The following ARL15 variants were observed in gnomAD, a reference collection of about 807,000 sequenced individuals.
The protein encoded by ARL15 is ADP-ribosylation factor-like protein 15.
A neutral mutation model predicts 25.2 loss-of-function variants in ARL15; 19 were observed. The ratio of observed to expected loss-of-function variants is 0.75; its 90% CI spans 0.53 to 1.10. The LOEUF (loss-of-function observed/expected upper bound fraction) is 1.10. Ranked by LOEUF, ARL15 falls within the 50% of genes least tolerant of loss-of-function variation. The probability of loss-of-function intolerance (pLI) is 0.00; values close to 1 mark genes in which losing one functional copy is unlikely to be tolerated. For synonymous variants in ARL15, 94 were observed against 86.8 expected (o/e 1.08, Z -0.46); for missense variants, 220 against 246.0 (o/e 0.89, Z 0.71).
intron 4 of ARL15, among the ~76,000 whole-genome samples, chr5:53,996,835 C>A (rs1490157770): frequency 6.6e-6 from 1 of 152,148 alleles, no homozygotes; most frequent in Non-Finnish European, 1.5e-5. Flanking sequence ...GGTAGGCTAA[C>A]ACCTTACACC....
intron 4 of ARL15, among the ~76,000 whole-genome samples, chr5:53,990,971 T>A (rs888317663): frequency 6.6e-6 from 1 of 152,172 alleles, no homozygotes; most frequent in African/African-American, 2.4e-5. Context: ...TTTTTTCTCT[T>A]TGAATGTTTG....
intron 1 of ARL15, among the ~76,000 whole-genome samples, chr5:54,273,698 C>T (rs565291236): frequency 2.0e-5 from 3 of 152,216 alleles, no homozygotes; most frequent in Admixed American, 6.5e-5. Flanking sequence ...ATTACAGTAC[C>T]TTCTTCAAAA....
At chr5:54,202,614 A>T (rs1755754740) in intron 1 of ARL15, among the ~76,000 whole-genome samples, 1 of 152,190 alleles carries the variant, frequency 6.6e-6, no homozygotes, top group Admixed American at 6.6e-5. Context: ...AGAACTGCAA[A>T]GTAATAAAAT....
intron 4 of ARL15, among the ~76,000 whole-genome samples, chr5:54,023,638 C>G (rs1358125423): frequency 6.6e-6 from 1 of 152,110 alleles, no homozygotes; most frequent in Non-Finnish European, 1.5e-5. Flanking sequence ...GAAGAAGAAG[C>G]CTTAGGCCTC....
chr5:54,270,635 C>T (rs1757761790), intron 1 of ARL15, among the ~76,000 whole-genome samples: 1 of 152,214 alleles, frequency 6.6e-6, no homozygotes, highest in Admixed American at 6.5e-5. Flanking sequence ...AAATCCCCTG[C>T]CCTCATGGCC....
At chr5:54,264,694 T>C (rs1196598487) in intron 1 of ARL15, among the ~76,000 whole-genome samples, 1 of 152,136 alleles carries the variant, frequency 6.6e-6, no homozygotes, top group Non-Finnish European at 1.5e-5. Flanking sequence ...GCATAGGCTG[T>C]TCCTTCTGCC....
At chr5:53,996,560 A>C (rs7719168) in intron 4 of ARL15, among the ~76,000 whole-genome samples, 12,643 of 146,652 alleles carry the variant, frequency 0.086, 661 homozygotes, top group Non-Finnish European at 0.11. Context: ...CGGAGGTTGC[A>C]GTGCGCTGAG....
rs373870536 is a variant in ARL15, at chr5:53,944,431, T to C, written c.463-57718A>G. 2.6e-5 allele frequency among the ~76,000 whole-genome samples: 4 copies of C among 151,990 alleles called. No homozygotes were observed. The East Asian group carries it at 7.8e-4, about 29-fold the overall frequency. On this transcript the variant is annotated intron_variant, in intron 4 of 4. Coordinates refer to ENST00000504924, the MANE Select transcript of ARL15 (RefSeq NM_019087.3). ...TTTGAGACCATCCTGGGCAACACGGTGAAACTTCATCTCTACAAAAAATAC... is the reference window on the plus strand; with the variant it reads ...TTTGAGACCATCCTGGGCAACACGGCGAAACTTCATCTCTACAAAAAATAC...
At chr5:54,105,178 A>G (rs1752551839) in intron 4 of ARL15, among the ~76,000 whole-genome samples, 1 of 152,044 alleles carries the variant, frequency 6.6e-6, no homozygotes, top group Admixed American at 6.5e-5. Flanking sequence ...TAACTTTGTA[A>G]GCTATGGAAT....
chr5:54,130,182 G>A lies in ARL15; in HGVS notation c.254-16772C>T, dbSNP rs369218129. On this transcript the variant is annotated intron_variant, in intron 3 of 4. Coordinates refer to ENST00000504924, the MANE Select transcript of ARL15 (RefSeq NM_019087.3). ...GAGCCTGGGAGATGGAGGATGCAGC[G>A]AGCCATGACTGCACCACTGTACTCT... is the stretch of plus-strand genomic sequence containing the variant. Among the ~76,000 whole-genome samples, 19 of 152,118 alleles carry A rather than the reference G, an allele frequency of 1.2e-4. No homozygotes were observed. In the East Asian group the frequency reaches 2.7e-3, roughly 22 times the overall value.
intron 4 of ARL15, among the ~76,000 whole-genome samples, chr5:54,105,366 T>C (rs1347197177): frequency 1.3e-5 from 2 of 152,088 alleles, no homozygotes; most frequent in African/African-American, 4.8e-5. Context: ...AGTGTGAAGA[T>C]CACCACTACA....
At chr5:54,177,482 G>T (rs1754911568) in intron 1 of ARL15, among the ~76,000 whole-genome samples, 1 of 152,140 alleles carries the variant, frequency 6.6e-6, no homozygotes, top group African/African-American at 2.4e-5. Context: ...ATAAGGACTT[G>T]CATTTCAGTC....
At chr5:54,280,020 A>C (rs554638982) in intron 1 of ARL15, among the ~76,000 whole-genome samples, 78 of 152,336 alleles carry the variant, frequency 5.1e-4, no homozygotes, top group African/African-American at 1.8e-3. Flanking sequence ...GAGGTACTGG[A>C]ATCACTGCTG....
chr5:53,895,909 A>C (rs1375344400), intron 4 of ARL15, among the ~76,000 whole-genome samples: 2 of 152,196 alleles, frequency 1.3e-5, no homozygotes, highest in Admixed American at 1.3e-4. Context: ...GAATTAAATG[A>C]CTCTCAAGTT....
chr5:54,165,738 T>TTATA (rs3063747), intron 2 of ARL15, among the ~76,000 whole-genome samples: 29,495 of 147,770 alleles, frequency 0.2, 3,590 homozygotes, highest in East Asian at 0.66. Flanking sequence ...ATACCTTTGT[T>TTATA]TATATATATA....
chr5:53,951,634 A>T lies in ARL15; in HGVS notation c.463-64921T>A, dbSNP rs554949942. The T allele has an allele frequency of 8.9e-4, 386 of 432,310 alleles. 5 individuals are homozygous for T. The highest frequency in any genetic ancestry group is 6.6e-3 in the South Asian group (377 of 56,880). 26.8% of individuals were successfully genotyped at this position (432,310 alleles called of 1,614,324 possible). ...AACCTTACTTACTCCTTCCCTATAT[A>T]CTCCTTCCCTATATATTTTCGATAT... On this transcript the variant is annotated intron_variant, in intron 4 of 4. Coordinates refer to ENST00000504924, the MANE Select transcript of ARL15 (RefSeq NM_019087.3).
chr5:54,166,862 T>C (rs1754588884), intron 2 of ARL15, among the ~76,000 whole-genome samples: 1 of 152,224 alleles, frequency 6.6e-6, no homozygotes, highest in African/African-American at 2.4e-5. Flanking sequence ...CCATCCCTGA[T>C]AATCTTTGAC....
At chr5:53,927,844 T>C (rs1032487412) in intron 4 of ARL15, among the ~76,000 whole-genome samples, 8 of 152,164 alleles carry the variant, frequency 5.3e-5, no homozygotes, top group Non-Finnish European at 8.8e-5. Context: ...GTCTCTGGAC[T>C]CCCGGCAGGC....
chr5:54,038,310 G>C (rs1750233477), intron 4 of ARL15, among the ~76,000 whole-genome samples: 1 of 152,112 alleles, frequency 6.6e-6, no homozygotes, highest in South Asian at 2.1e-4. Context: ...AGCAGATGTA[G>C]TTAGTACTTA....
Sources: gnomAD v4.1 joint callset for allele counts (sites outside exome capture counted in the v4.1 genomes callset) on GRCh38, gnomAD v4.1.1 for gene constraint, MANE v1.5 for transcripts, NCBI Gene and HGNC (gene_info 2026-07-23, HGNC 2026-07-21) for gene names.